The following HRH4 variants were observed in gnomAD, a reference collection of about 807,000 sequenced individuals.
The protein encoded by HRH4 is histamine H4 receptor.
HRH4 carries 12 observed loss-of-function variants against 10.4 expected under a neutral mutation model. That is an observed-to-expected ratio of 1.15 (90% CI 0.74 to 1.87). The LOEUF (loss-of-function observed/expected upper bound fraction) is 1.87. Among genes scored for constraint, HRH4 ranks in the 40% most tolerant of loss-of-function variants. HRH4 has a pLI of 0.00. For missense variants in HRH4, 415 were observed against 453.3 expected (o/e 0.92, Z 0.77); for synonymous variants, 154 against 166.6 (o/e 0.92, Z 0.58).
intron 2 of HRH4, among the ~76,000 whole-genome samples, chr18:24,475,886 T>G (rs1047670190): frequency 2.0e-5 from 3 of 152,124 alleles, no homozygotes; most frequent in African/African-American, 7.2e-5. Flanking sequence ...TGGGTATCTG[T>G]AATCCCAGCT....
intron 2 of HRH4, among the ~76,000 whole-genome samples, chr18:24,470,644 C>T (rs1909913910): frequency 6.6e-6 from 1 of 151,600 alleles, no homozygotes; most frequent in South Asian, 2.1e-4. Context: ...GCTGGGATTA[C>T]AGGCGCATGC....
Position 24,468,878 on chromosome 18 carries a change from A to C in HRH4, c.284A>C (p.Tyr95Ser), listed in dbSNP as rs1198377600. The C allele has an allele frequency of 6.2e-7, 1 of 1,613,684 alleles. No homozygotes were observed. The highest frequency in any genetic ancestry group is 1.7e-5 in the Admixed American group (1 of 60,026). The change falls in exon 2 of 3, where the codon TAT becomes TCT. Residue 95 changes from tyrosine (Y) to serine (S), a missense_variant. Transcript: ENST00000256906. Reference sequence around the variant, plus strand: ...TGTGTATTTTGGCTCACTACTGACTATCTGTTATGTACAGCATCTGTATAT... The same window carrying C: ...TGTGTATTTTGGCTCACTACTGACTCTCTGTTATGTACAGCATCTGTATAT... ...EICVFWLTTD[Y>S]LLCTASVYNI... is the part of the protein sequence containing the mutation.
intron 2 of HRH4, among the ~76,000 whole-genome samples, chr18:24,474,539 C>T (rs749211482): frequency 7.9e-5 from 12 of 151,872 alleles, no homozygotes; most frequent in South Asian, 2.1e-4. Context: ...CATTGCAGAA[C>T]GAGACTTAAA....
chr18:24,471,299 A>T (rs1431022121), intron 2 of HRH4, among the ~76,000 whole-genome samples: 1 of 152,078 alleles, frequency 6.6e-6, no homozygotes, highest in Non-Finnish European at 1.5e-5. Context: ...CATTAAAAAA[A>T]TATGGAATGA....
At chr18:24,472,554 A>C (rs1909999530) in intron 2 of HRH4, among the ~76,000 whole-genome samples, 1 of 152,196 alleles carries the variant, frequency 6.6e-6, no homozygotes, top group South Asian at 2.1e-4. Flanking sequence ...GTTCAAATGC[A>C]GCCGTGTGAA....
chr18:24,476,326 A>G (rs1036790672), intron 2 of HRH4, among the ~76,000 whole-genome samples: 3 of 152,192 alleles, frequency 2.0e-5, no homozygotes, highest in Admixed American at 6.5e-5. Context: ...TACCCTCACT[A>G]TATGTGATGC....
intron 2 of HRH4, among the ~76,000 whole-genome samples, chr18:24,471,115 A>G (rs104000): frequency 0.15 from 23,073 of 151,692 alleles, 1,802 homozygotes; most frequent in Middle Eastern, 0.19. Context: ...CTCCTCCTTA[A>G]CATCGCATAC....
intron 2 of HRH4, among the ~76,000 whole-genome samples, chr18:24,473,399 G>T (rs945586646): frequency 1.3e-5 from 2 of 152,156 alleles, no homozygotes; most frequent in Non-Finnish European, 2.9e-5. Flanking sequence ...TTGAAATCAA[G>T]GTGCTGACAG....
At chr18:24,464,863 A>G (rs2144366847) in intron 1 of HRH4, among the ~76,000 whole-genome samples, 1 of 152,320 alleles carries the variant, frequency 6.6e-6, no homozygotes, top group Admixed American at 6.5e-5. Flanking sequence ...AAGAAAAATA[A>G]CTAAGACAAA....
In HRH4 at chr18:24,471,872, G is replaced by A. The variant is rs531076711; in HGVS notation, c.357+2921G>A. Among the ~76,000 whole-genome samples the A allele has an allele frequency of 3.9e-5, 6 of 152,022 alleles. No homozygotes were observed. In the East Asian group the frequency reaches 1.2e-3, roughly 29 times the overall value. On this transcript the variant is annotated intron_variant, in intron 2 of 2. Coordinates refer to ENST00000256906, the MANE Select transcript of HRH4 (RefSeq NM_021624.4). ...TAACATTTCTTTTTAATCTCCACTGGATGTTCCTAGGGCTTCCTTCTCTAG... is the reference window on the plus strand; with the variant it reads ...TAACATTTCTTTTTAATCTCCACTGAATGTTCCTAGGGCTTCCTTCTCTAG...
In HRH4 at chr18:24,476,813, CT is replaced by C. The variant is rs754610658; in HGVS notation, c.425del (p.Leu142ArgfsTer4). 6.2e-7 allele frequency: 1 copy of C among 1,614,152 alleles called. No homozygotes were observed. The highest frequency in any genetic ancestry group is 1.1e-5 in the South Asian group (1 of 91,068). ...IVTLMVAVWV[L>X]AFLVNGPMIL... The stretch of plus-strand genomic sequence containing the variant: ...TACTCTGATGGTGGCCGTTTGGGTG[CT>C]GGCCTTCTTAGTGAATGGGCCAATG... On this transcript the variant is annotated frameshift_variant, in exon 3 of 3. Coordinates refer to ENST00000256906, the MANE Select transcript of HRH4 (RefSeq NM_021624.4). LOFTEE classifies it low-confidence loss of function (END_TRUNC).
At chr18:24,465,709 A>G (rs1444433525) in intron 1 of HRH4, among the ~76,000 whole-genome samples, 3 of 152,214 alleles carry the variant, frequency 2.0e-5, no homozygotes, top group Admixed American at 2.0e-4. Flanking sequence ...GGAACTGAGC[A>G]TGACACAAGT....
intron 1 of HRH4, among the ~76,000 whole-genome samples, chr18:24,462,152 G>C (rs56684563): frequency 6.6e-6 from 1 of 152,192 alleles, no homozygotes; most frequent in East Asian, 1.9e-4. Context: ...GCAAAGGCAT[G>C]CTGGTAGAAA....
chr18:24,474,626 T>C (rs11083069), intron 2 of HRH4, among the ~76,000 whole-genome samples: 1 of 151,726 alleles, frequency 6.6e-6, no homozygotes, highest in Non-Finnish European at 1.5e-5. Context: ...TCCATTTTTT[T>C]TTGCCTGTGA....
At chr18:24,469,658 C>T (rs755533430) in intron 2 of HRH4, among the ~76,000 whole-genome samples, 3 of 152,164 alleles carry the variant, frequency 2.0e-5, no homozygotes, top group African/African-American at 7.2e-5. Context: ...CCTTCACTCC[C>T]CTCTCAGGGA....
At chr18:24,463,032 C>T (rs957965315) in intron 1 of HRH4, among the ~76,000 whole-genome samples, 6 of 152,056 alleles carry the variant, frequency 3.9e-5, no homozygotes, top group Non-Finnish European at 7.4e-5. Context: ...CCTGACTGCC[C>T]CAGTTTTAGG....
intron 2 of HRH4, among the ~76,000 whole-genome samples, chr18:24,470,429 A>G (rs982825005): frequency 3.9e-5 from 6 of 151,978 alleles, no homozygotes; most frequent in African/African-American, 1.5e-4. Context: ...TGATATATAC[A>G]AAAGTGTACT....
chr18:24,463,560 GCAGCTGTT>G (rs1211482505), intron 1 of HRH4, among the ~76,000 whole-genome samples: 1 of 152,194 alleles, frequency 6.6e-6, no homozygotes, highest in Non-Finnish European at 1.5e-5. Flanking sequence ...GAGGTTTTCT[GCAGCTGTT>G]AGCCATTGAT....
chr18:24,476,303 A>G (rs1910128975), intron 2 of HRH4, among the ~76,000 whole-genome samples: 1 of 152,208 alleles, frequency 6.6e-6, no homozygotes, highest in South Asian at 2.1e-4. Context: ...ATGAAACATC[A>G]TTAAAGAACA....
Sources: allele counts gnomAD v4.1 joint callset (sites outside exome capture counted in the v4.1 genomes callset), GRCh38; gene constraint gnomAD v4.1.1; transcripts MANE v1.5; gene names NCBI Gene and HGNC (gene_info 2026-07-23, HGNC 2026-07-21).